SEC14L4: variants seen among roughly 807,000 people sequenced by gnomAD.
The protein encoded by SEC14L4 is SEC14 like lipid binding 4.
A neutral mutation model predicts 55.1 loss-of-function variants in SEC14L4; 42 were observed. The observed-to-expected ratio is 0.76, with a 90% CI of 0.60 to 0.99. SEC14L4 has a LOEUF of 0.99. Ranked by LOEUF, SEC14L4 falls within the 50% of genes least tolerant of loss-of-function variation. SEC14L4 has a pLI of 0.00. For missense variants in SEC14L4, 445 were observed against 512.1 expected (o/e 0.87, Z 1.27); for synonymous variants, 206 against 206.8 (o/e 1.00, Z 0.03).
intron 2 of SEC14L4, among the ~76,000 whole-genome samples, chr22:30,498,950 A>AT (rs566782218): frequency 0.019 from 2,937 of 151,712 alleles, 48 homozygotes; most frequent in Middle Eastern, 0.051. Flanking sequence ...TATTATTATT[A>AT]TTATTTTTTT....
Position 30,490,036 on chromosome 22 carries a change from C to A in SEC14L4, c.*71G>T, listed in dbSNP as rs1935899268. ...TGCAGCCACCTCCAGCACCACCCTG[C>A]CTGGGAAGGCAGGGGTCAGAGGGGT... On this transcript the variant is annotated 3_prime_UTR_variant, in exon 12 of 12. Coordinates refer to ENST00000255858, the MANE Select transcript of SEC14L4 (RefSeq NM_174977.4). 6.3e-7 allele frequency: 1 copy of A among 1,593,798 alleles called. No individual in the cohort carries two copies. Among genetic ancestry groups the A allele is most frequent in the African/African-American group, 1.3e-5 (1 of 74,690 alleles).
At chr22:30,499,253 TA>T (rs1338901784) in intron 2 of SEC14L4, among the ~76,000 whole-genome samples, 1 of 151,040 alleles carries the variant, frequency 6.6e-6, no homozygotes, top group East Asian at 2.0e-4. Context: ...TTTAGACTAC[TA>T]TTTTTTTTTT....
At chr22:30,498,206 T>G (rs113903836) in intron 2 of SEC14L4, among the ~76,000 whole-genome samples, 5,594 of 134,386 alleles carry the variant, frequency 0.042, 157 homozygotes, top group African/African-American at 0.082. Context: ...CACTGCAACC[T>G]CCACCTCCCA....
At chr22:30,499,789 T>C (rs1319931474) in intron 2 of SEC14L4, among the ~76,000 whole-genome samples, 1 of 152,054 alleles carries the variant, frequency 6.6e-6, no homozygotes, top group Admixed American at 6.6e-5. Flanking sequence ...GATCTAGCTT[T>C]GAAATCAAAC....
rs1378125278 is a variant in SEC14L4, at chr22:30,491,971, G to A, written c.774C>T (p.Ile258=). Residue 258 remains isoleucine, a splice_region_variant and synonymous_variant, in exon 10 of 12, where the codon ATC becomes ATT. Transcript: ENST00000255858. The part of the protein sequence containing the change: ...PDGNPKCLTK[I]NYGGEVPKSY... The stretch of plus-strand genomic sequence containing the variant: ...TCTTGGGCACCTCACCCCCATAGTT[G>A]ATCTGTGGGTGAAGGGGGTGTGTGG... The A allele has an allele frequency of 9.3e-6, 15 of 1,613,918 alleles. No homozygotes were observed. The highest frequency in any genetic ancestry group is 1.0e-5 in the Non-Finnish European group (12 of 1,179,922).
chr22:30,496,767 T>G (rs949704398), intron 2 of SEC14L4, among the ~76,000 whole-genome samples: 3 of 152,220 alleles, frequency 2.0e-5, no homozygotes, highest in African/African-American at 7.2e-5. Flanking sequence ...CATGAGATAA[T>G]GTATAGAAAG....
chr22:30,491,776 G>T (rs974941142), intron 10 of SEC14L4, 34 bp from the exon 11 acceptor site: 17 of 1,612,436 alleles, frequency 1.1e-5, no homozygotes, highest in Non-Finnish European at 1.4e-5. Context: ...GCGACCCCCT[G>T]CCTGGGCTCC....
In SEC14L4 at chr22:30,491,558, C is replaced by T. The variant is rs1319200804; in HGVS notation, c.1081+15G>A. The T allele has an allele frequency of 1.2e-6, 2 of 1,613,728 alleles. No homozygotes were observed. The highest frequency in any genetic ancestry group is 2.2e-5 in the East Asian group (1 of 44,874). On this transcript the variant is annotated intron_variant, in intron 11 of 11. Coordinates refer to ENST00000255858, the MANE Select transcript of SEC14L4 (RefSeq NM_174977.4). ...TGGCAGGGAAAACAATTCCAGTAAACCCCGCAGCTCTTACAGACGCCAGCC... is the reference window on the plus strand; with the variant it reads ...TGGCAGGGAAAACAATTCCAGTAAATCCCGCAGCTCTTACAGACGCCAGCC...
rs1196200770 is a variant in SEC14L4, at chr22:30,491,662, C to G, written c.992G>C (p.Arg331Thr). The change falls in exon 11 of 12, where the codon AGG (arginine) becomes ACG (threonine). Residue 331 changes from arginine (R) to threonine (T), a missense_variant. Coordinates refer to ENST00000255858, the MANE Select transcript of SEC14L4 (RefSeq NM_174977.4). ...GCTGGGCAGCACCTCCGTCATCTCC[C>G]TAGCACTCTGCTGCTCCCCCATCTT... ...KTKMGEQQSA[R>T]EMTEVLPSQR... is the part of the protein sequence containing the mutation. 1.2e-6 allele frequency: 2 copies of G among 1,614,178 alleles called. No homozygotes were observed. Among genetic ancestry groups the G allele is most frequent in the South Asian group, 2.2e-5 (2 of 91,082 alleles).
intron 2 of SEC14L4, among the ~76,000 whole-genome samples, chr22:30,501,713 G>T (rs891282711): frequency 9.2e-5 from 14 of 151,922 alleles, no homozygotes; most frequent in Non-Finnish European, 1.0e-4. Flanking sequence ...ATCATCATAA[G>T]AAGAAGATGT....
chr22:30,492,003 G>A (rs752987184), intron 9 of SEC14L4, 30 bp from the exon 10 acceptor site: 3 of 1,613,844 alleles, frequency 1.9e-6, no homozygotes, highest in East Asian at 4.5e-5. Context: ...GTGGGCACTA[G>A]ATCACAGCTT....
At chr22:30,501,163 C>T (rs187683735) in intron 2 of SEC14L4, among the ~76,000 whole-genome samples, 293 of 152,288 alleles carry the variant, frequency 1.9e-3, no homozygotes, top group Middle Eastern at 6.8e-3. Flanking sequence ...TCAGCAGTAG[C>T]CCTCCCCTTT....
At chr22:30,500,659 C>T (rs115525177) in intron 2 of SEC14L4, among the ~76,000 whole-genome samples, 1,732 of 151,482 alleles carry the variant, frequency 0.011, 28 homozygotes, top group African/African-American at 0.039. Context: ...AGCCACTGTG[C>T]CCAGCTATAG....
rs367876819 is a variant in SEC14L4, at chr22:30,491,903, G to A, written c.842C>T (p.Thr281Met). The A allele has an allele frequency of 5.8e-5, 94 of 1,613,570 alleles. No homozygotes were observed. In the East Asian group the frequency reaches 8.7e-4, roughly 15 times the overall value. The change falls in exon 10 of 12, where the codon ACG (threonine) becomes ATG (methionine). Residue 281 changes from threonine to methionine, a missense_variant. Physicochemically the swap from Thr to Met is moderately conservative, Grantham distance 81 (BLOSUM62 -1). Coordinates refer to ENST00000255858, the MANE Select transcript of SEC14L4 (RefSeq NM_174977.4). ...CEQVRLQYEH[T>M]RSVGRGSSLQ... ...GGAGGAGCCGCGGCCCACGGACCTC[G>A]TGTGCTCATACTGCAGCCTCACCTG...
intron 2 of SEC14L4, among the ~76,000 whole-genome samples, chr22:30,498,972 G>A (rs887941933): frequency 9.9e-5 from 15 of 151,660 alleles, no homozygotes; most frequent in African/African-American, 3.4e-4. Flanking sequence ...ATGGAGTCTC[G>A]CTCTGTCGCC....
chr22:30,496,504 T>A (rs1936155336), intron 2 of SEC14L4, among the ~76,000 whole-genome samples: 2 of 152,094 alleles, frequency 1.3e-5, no homozygotes, highest in African/African-American at 2.4e-5. Flanking sequence ...CCAGTCTTCC[T>A]ACAACCTTCT....
intron 7 of SEC14L4, among the ~76,000 whole-genome samples, chr22:30,493,115 A>G (rs1057502518): frequency 6.6e-6 from 1 of 151,874 alleles, no homozygotes; most frequent in Non-Finnish European, 1.5e-5. Flanking sequence ...AAGAAAAAAG[A>G]AAAAGAAAAA....
chr22:30,494,069 C>G (rs1034781081), intron 7 of SEC14L4, 81 bp downstream of exon 7: 5 of 1,052,616 alleles, frequency 4.8e-6, no homozygotes, highest in African/African-American at 1.6e-5. Context: ...GGTGAAGAAG[C>G]CTTTAACTCC....
At chr22:30,495,102 C>A in intron 5 of SEC14L4, 141 bp from the exon 6 acceptor site, 1 of 983,728 alleles carries the variant, frequency 1.0e-6, no homozygotes, top group Non-Finnish European at 1.5e-6. Context: ...ATGGACAACA[C>A]CTCACTTTTA....
Sources: allele counts gnomAD v4.1 joint callset (sites outside exome capture counted in the v4.1 genomes callset), GRCh38; gene constraint gnomAD v4.1.1; transcripts MANE v1.5; gene names NCBI Gene and HGNC (gene_info 2026-07-23, HGNC 2026-07-21).